UBE3B: variants seen among roughly 807,000 people sequenced by gnomAD.
UBE3B encodes ubiquitin-protein ligase E3B.
In UBE3B, 80 loss-of-function variants were observed where a neutral mutation model predicts 132.3. The ratio of observed to expected loss-of-function variants is 0.60; its 90% CI spans 0.50 to 0.73. UBE3B has a LOEUF of 0.73. UBE3B is among the 30% of genes least tolerant of loss of function. UBE3B has a pLI of 0.00. For missense variants in UBE3B, 1,196 were observed against 1,362.5 expected, an observed-to-expected ratio of 0.88 and a Z score of 1.92; for synonymous variants, 487 against 520.4, an observed-to-expected ratio of 0.94 and a Z score of 0.87.
chr12:109,480,777 T>C (rs1043002038), intron 1 of UBE3B, among the ~76,000 whole-genome samples: 3 of 152,194 alleles, frequency 2.0e-5, no homozygotes, highest in African/African-American at 7.2e-5. Context: ...ACCATGTGCA[T>C]GCTGTGGAAA....
chr12:109,478,799 G>A (rs1435237131), intron 1 of UBE3B, among the ~76,000 whole-genome samples: 3 of 152,166 alleles, frequency 2.0e-5, no homozygotes, highest in Admixed American at 6.5e-5. Context: ...AAAGATTATC[G>A]AGAACTGATA....
At chr12:109,515,655 C>T (rs538415523) in intron 18 of UBE3B, among the ~76,000 whole-genome samples, 1 of 152,306 alleles carries the variant, frequency 6.6e-6, no homozygotes, top group Non-Finnish European at 1.5e-5. Flanking sequence ...AGGCGTGAGC[C>T]ACTGTGCCCA....
At chr12:109,491,455 T>C (rs1308856532) in intron 9 of UBE3B, 2 of 212,202 alleles carry the variant, frequency 9.4e-6, no homozygotes, top group Non-Finnish European at 1.9e-5. Context: ...ACAAAAAACC[T>C]AGGAGCCAGG....
intron 9 of UBE3B, 168 bp downstream of exon 9, chr12:109,491,295 T>TTTTCTTAATCTTCAGTCTTGAATA: frequency 2.0e-6 from 1 of 498,638 alleles, no homozygotes; most frequent in Non-Finnish European, 3.5e-6. Context: ...TGCTCAAACT[T>TTTTCTTAATCTTCAGTCTTGAATA]TTTCTTAATC....
At chr12:109,537,206 G>A (rs1053932011), downstream of UBE3B, among the ~76,000 whole-genome samples, 2 of 152,128 alleles carry the variant, frequency 1.3e-5, no homozygotes, top group Admixed American at 1.3e-4. Flanking sequence ...TAAGTGTCTG[G>A]AGTGAAATTT....
chr12:109,506,270 G>A, intron 14 of UBE3B, among the ~76,000 whole-genome samples: 1 of 152,330 alleles, frequency 6.6e-6, no homozygotes, highest in Non-Finnish European at 1.5e-5. Context: ...GACTACTGTT[G>A]GGGGGCCAAA....
At chr12:109,490,885 G>T in intron 8 of UBE3B, 160 bp from the exon 9 acceptor site, 1 of 1,053,450 alleles carries the variant, frequency 9.5e-7, no homozygotes, top group Admixed American at 3.1e-5. Flanking sequence ...GAATCTTCCT[G>T]CCTCAGCCTC....
chr12:109,490,236 A>G, intron 8 of UBE3B: 1 of 943,330 alleles, frequency 1.1e-6, no homozygotes, highest in Non-Finnish European at 1.6e-6. Flanking sequence ...TTTTGGCTGC[A>G]AGGGTAATCC....
At chr12:109,479,639 A>G (rs1225032896) in intron 1 of UBE3B, among the ~76,000 whole-genome samples, 1 of 152,254 alleles carries the variant, frequency 6.6e-6, no homozygotes, top group African/African-American at 2.4e-5. Flanking sequence ...TTGACGAACT[A>G]TAGTATACAC....
In UBE3B at chr12:109,530,529, G is replaced by C; in HGVS notation, c.2811-18G>C. ...CCACGCTAGCACATTGCTGAGCCCAGGTCTGTATTGCTTTCAGGAAGCACA... is the reference window on the plus strand; with the variant it reads ...CCACGCTAGCACATTGCTGAGCCCACGTCTGTATTGCTTTCAGGAAGCACA... On this transcript the variant is annotated intron_variant, in intron 25 of 27. Transcript: ENST00000342494. 6.2e-7 allele frequency: 1 copy of C among 1,611,902 alleles called. No individual in the cohort carries two copies. Among genetic ancestry groups the C allele is most frequent in the South Asian group, 1.1e-5 (1 of 91,022 alleles).
At chr12:109,505,743 G>A (rs1165404959) in intron 14 of UBE3B, among the ~76,000 whole-genome samples, 3 of 152,128 alleles carry the variant, frequency 2.0e-5, no homozygotes, top group African/African-American at 7.2e-5. Flanking sequence ...ACAATTCTTG[G>A]CCTCCTTTAG....
At chr12:109,507,517 A>T (rs1277503207) in intron 14 of UBE3B, 47 bp from the exon 15 acceptor site, 1 of 1,581,188 alleles carries the variant, frequency 6.3e-7, no homozygotes, top group Non-Finnish European at 8.6e-7. Flanking sequence ...ATAACAGACC[A>T]GGTGGAGTCT....
intron 27 of UBE3B, chr12:109,533,841 G>A (rs780192987): frequency 9.8e-6 from 11 of 1,127,506 alleles, no homozygotes; most frequent in African/African-American, 9.3e-5. Flanking sequence ...TTTTAGTGGC[G>A]TCTGGCCTCA....
intron 9 of UBE3B, chr12:109,492,470 G>A (rs1045177139): frequency 1.3e-5 from 2 of 152,234 alleles, no homozygotes; most frequent in Non-Finnish European, 2.9e-5. Flanking sequence ...GGCCAGGCAC[G>A]GCGGCCCATG....
chr12:109,514,799 C>G lies in UBE3B; in HGVS notation c.1957-1966C>G, dbSNP rs537604890. The stretch of plus-strand genomic sequence containing the variant: ...TGCATGGCCCTGGAACCTCTCAGGG[C>G]TTTTGGTTCTACTCAGAGCACGTCA... On this transcript the variant is annotated intron_variant, in intron 18 of 27. Transcript: ENST00000342494. Among the ~76,000 whole-genome samples the G allele has an allele frequency of 1.4e-4, 21 of 152,140 alleles. 1 individual carries two copies. Among genetic ancestry groups the G allele is most frequent in the Non-Finnish European group, 4.4e-5 (3 of 67,996 alleles).
intron 14 of UBE3B, among the ~76,000 whole-genome samples, chr12:109,506,178 A>G (rs998850528): frequency 2.0e-5 from 3 of 152,216 alleles, no homozygotes; most frequent in African/African-American, 7.2e-5. Flanking sequence ...CACTTTTAAC[A>G]TAATAGAATA....
chr12:109,537,511 T>C (rs1883497658), downstream of UBE3B, among the ~76,000 whole-genome samples: 1 of 152,172 alleles, frequency 6.6e-6, no homozygotes, highest in Non-Finnish European at 1.5e-5. Context: ...TGGAGAGGCT[T>C]GTGGCCTCTC....
chr12:109,545,587 T>C, the UBE3B span, among the ~76,000 whole-genome samples: 5 of 152,110 alleles, frequency 3.3e-5, no homozygotes, highest in Non-Finnish European at 1.5e-5. Context: ...GAGCCAGGAT[T>C]CAAACCCTGG....
chr12:109,527,864 G>T (rs1341639823), intron 24 of UBE3B, among the ~76,000 whole-genome samples: 1 of 152,184 alleles, frequency 6.6e-6, no homozygotes, highest in Non-Finnish European at 1.5e-5. Context: ...GGGCTTAAAT[G>T]ACAGCAGTGA....
Sources: gnomAD v4.1 joint callset for allele counts (sites outside exome capture counted in the v4.1 genomes callset) on GRCh38, gnomAD v4.1.1 for gene constraint, MANE v1.5 for transcripts, NCBI Gene and HGNC (gene_info 2026-07-23, HGNC 2026-07-21) for gene names.